The following DPYD variants were observed in gnomAD, a reference collection of about 807,000 sequenced individuals.
DPYD encodes dihydropyrimidine dehydrogenase [NADP(+)].
DPYD carries 109 observed loss-of-function variants against 116.2 expected under a neutral mutation model. The observed-to-expected ratio is 0.94, with a 90% CI of 0.80 to 1.10. The LOEUF (loss-of-function observed/expected upper bound fraction) is 1.10, where lower values mean the gene tolerates loss of function less well. Among genes scored for constraint, DPYD ranks in the 50% least tolerant of loss-of-function variants. The pLI is 0.00. For synonymous variants in DPYD, 440 were observed against 432.0 expected (o/e 1.02, Z -0.23); for missense variants, 1,302 against 1,254.5 (o/e 1.04, Z -0.57).
At chr1:97,227,331 C>CAAAAAAAAAAAAAAAAAAAAAAAAAAAAA (rs60992225) in intron 19 of DPYD, among the ~76,000 whole-genome samples, 10 of 26,370 alleles carry the variant, frequency 3.8e-4, no homozygotes, top group East Asian at 1.4e-3. Flanking sequence ...GACTCTATCT[C>CAAAAAAAAAAAAAAAAAAAAAAAAAAAAA]AAAAAAAAAA....
intron 20 of DPYD, among the ~76,000 whole-genome samples, chr1:97,169,653 T>G (rs895758765): frequency 6.6e-6 from 1 of 152,054 alleles, no homozygotes; most frequent in Non-Finnish European, 1.5e-5. Flanking sequence ...CCTCTTTTAA[T>G]AGACTCTACT....
intron 13 of DPYD, among the ~76,000 whole-genome samples, chr1:97,508,841 G>T (rs1647557441): frequency 6.6e-6 from 1 of 151,910 alleles, no homozygotes; most frequent in East Asian, 1.9e-4. Flanking sequence ...GTGCCCTAAA[G>T]AATGGAACAC....
intron 9 of DPYD, among the ~76,000 whole-genome samples, chr1:97,594,163 T>G (rs917770676): frequency 6.6e-6 from 1 of 152,190 alleles, no homozygotes; most frequent in African/African-American, 2.4e-5. Flanking sequence ...TTACTATAAT[T>G]TTTTAAATGG....
chr1:97,798,453 G>A (rs1291174317), intron 3 of DPYD, among the ~76,000 whole-genome samples: 4 of 151,632 alleles, frequency 2.6e-5, no homozygotes, highest in Middle Eastern at 3.2e-3. Context: ...TATGACCATG[G>A]GCAAATATCT....
At chr1:97,806,868 T>C (rs1668100315) in intron 3 of DPYD, among the ~76,000 whole-genome samples, 1 of 152,010 alleles carries the variant, frequency 6.6e-6, no homozygotes, top group Admixed American at 6.6e-5. Flanking sequence ...TCACTGTCTT[T>C]TAGTTTTGCC....
intron 3 of DPYD, among the ~76,000 whole-genome samples, chr1:97,771,717 T>C (rs1293707378): frequency 1.3e-5 from 2 of 152,204 alleles, no homozygotes; most frequent in East Asian, 3.8e-4. Flanking sequence ...TCTGACTTCA[T>C]CTGTCAATAT....
chr1:97,532,921 T>G (rs76790192), intron 12 of DPYD, among the ~76,000 whole-genome samples: 27,208 of 149,022 alleles, frequency 0.18, 2,628 homozygotes, highest in Admixed American at 0.23. Context: ...GTTTTTTTTT[T>G]TTGTTGTTGT....
intron 19 of DPYD, among the ~76,000 whole-genome samples, chr1:97,203,237 C>A (rs753916280): frequency 6.6e-6 from 1 of 152,090 alleles, no homozygotes; most frequent in Non-Finnish European, 1.5e-5. Context: ...ATGCTCAGCA[C>A]CTCTCATGAT....
Position 97,850,006 on chromosome 1 carries a change from T to C in DPYD, c.151-21810A>G, listed in dbSNP as rs183786995. ...GAGGGGAAAAAATTATAGACCATTA[T>C]GGCATGCTAATAATCCAAATTAGAT... On this transcript the variant is annotated intron_variant, in intron 2 of 22. Transcript: ENST00000370192. 7.8e-4 allele frequency among the ~76,000 whole-genome samples: 119 copies of C among 152,320 alleles called. 1 individual carries two copies. Among genetic ancestry groups the C allele is most frequent in the Non-Finnish European group, 1.6e-3 (112 of 68,016 alleles).
intron 7 of DPYD, among the ~76,000 whole-genome samples, chr1:97,685,278 G>A (rs1431127881): frequency 6.6e-6 from 1 of 152,130 alleles, no homozygotes; most frequent in Non-Finnish European, 1.5e-5. Context: ...AAAGTCCTTT[G>A]ATAAAATTCA....
intron 13 of DPYD, among the ~76,000 whole-genome samples, chr1:97,469,488 T>A (rs1677523912): frequency 6.6e-6 from 1 of 151,024 alleles, no homozygotes; most frequent in South Asian, 2.1e-4. Context: ...GTTGATTTTT[T>A]AAAAAACAGT....
intron 3 of DPYD, among the ~76,000 whole-genome samples, chr1:97,767,384 T>G (rs1665921054): frequency 6.6e-6 from 1 of 152,160 alleles, no homozygotes; most frequent in African/African-American, 2.4e-5. Context: ...GGTAGGCTTT[T>G]TCCCTACTCT....
intron 3 of DPYD, among the ~76,000 whole-genome samples, chr1:97,763,803 A>C (rs1213308831): frequency 6.6e-6 from 1 of 152,114 alleles, no homozygotes; most frequent in Non-Finnish European, 1.5e-5. Context: ...AAAAGGCATC[A>C]AAATTCTCAA....
At chr1:97,900,362 G>T (rs1673301066) in intron 1 of DPYD, among the ~76,000 whole-genome samples, 1 of 151,744 alleles carries the variant, frequency 6.6e-6, no homozygotes, top group African/African-American at 2.4e-5. Context: ...CCCAACACCT[G>T]GTTTTTACAG....
At chr1:97,594,831 T>C (rs1030007723) in intron 9 of DPYD, among the ~76,000 whole-genome samples, 6 of 152,104 alleles carry the variant, frequency 3.9e-5, no homozygotes, top group African/African-American at 1.4e-4. Flanking sequence ...TAGACATATA[T>C]ATTACAGTGA....
intron 18 of DPYD, chr1:97,295,413 T>TA (rs1296235002): frequency 1.3e-5 from 2 of 151,200 alleles, no homozygotes; most frequent in Admixed American, 6.6e-5. Flanking sequence ...TTAACTTAAA[T>TA]ACTGAGATTT....
At chr1:97,643,815 C>T (rs536262362) in intron 8 of DPYD, among the ~76,000 whole-genome samples, 1 of 152,232 alleles carries the variant, frequency 6.6e-6, no homozygotes, top group East Asian at 1.9e-4. Context: ...CCATCATTCT[C>T]AGCAAACTAA....
intron 3 of DPYD, among the ~76,000 whole-genome samples, chr1:97,743,867 A>T (rs1664399307): frequency 6.6e-6 from 1 of 152,050 alleles, no homozygotes; most frequent in South Asian, 2.1e-4. Context: ...AGTGCAGTTT[A>T]TTTTTAAATG....
intron 16 of DPYD, among the ~76,000 whole-genome samples, chr1:97,346,899 T>C (rs2101284275): frequency 6.6e-6 from 1 of 152,038 alleles, no homozygotes; most frequent in Non-Finnish European, 1.5e-5. Flanking sequence ...GTTAAGTGCT[T>C]AGAACAATGT....
Sources: gnomAD v4.1 joint callset for allele counts (sites outside exome capture counted in the v4.1 genomes callset) on GRCh38, gnomAD v4.1.1 for gene constraint, MANE v1.5 for transcripts, NCBI Gene and HGNC (gene_info 2026-07-23, HGNC 2026-07-21) for gene names.